Variants in NIBAN2 observed in about 807,000 individuals in gnomAD.
The protein encoded by NIBAN2 is niban apoptosis regulator 2.
Under a neutral mutation model 81.8 loss-of-function variants are expected in NIBAN2, and 36 were observed. The observed-to-expected ratio is 0.44, with a 90% CI of 0.34 to 0.58. The LOEUF (loss-of-function observed/expected upper bound fraction) is 0.58, where lower values mean the gene tolerates loss of function less well. NIBAN2 is among the 20% of genes least tolerant of loss of function. The pLI is 0.02. For synonymous variants in NIBAN2, 445 were observed against 441.6 expected, an observed-to-expected ratio of 1.01 and a Z score of -0.10; for missense variants, 897 against 1,014.1, an observed-to-expected ratio of 0.88 and a Z score of 1.57.
At chr9:127,561,975 A>T (rs1190933073) in intron 1 of NIBAN2, among the ~76,000 whole-genome samples, 1 of 152,206 alleles carries the variant, frequency 6.6e-6, no homozygotes, top group African/African-American at 2.4e-5. Flanking sequence ...AAAGCAGTGC[A>T]GGAATTTCTG....
At chr9:127,578,064 G>A (rs973705466) in intron 1 of NIBAN2, among the ~76,000 whole-genome samples, 1 of 151,664 alleles carries the variant, frequency 6.6e-6, no homozygotes, top group Admixed American at 6.6e-5. Context: ...GGTGGTGGGT[G>A]CCTGAAATCC....
At chr9:127,549,909 C>T (rs1200847812) in intron 1 of NIBAN2, among the ~76,000 whole-genome samples, 5 of 152,100 alleles carry the variant, frequency 3.3e-5, no homozygotes, top group African/African-American at 9.7e-5. Context: ...AGAACGGCTC[C>T]CCTCCCAGCC....
intron 1 of NIBAN2, among the ~76,000 whole-genome samples, chr9:127,532,588 C>T (rs1184273994): frequency 6.6e-6 from 1 of 152,058 alleles, no homozygotes; most frequent in Non-Finnish European, 1.5e-5. Flanking sequence ...GCCTGGGCGA[C>T]AGAGCGAGAC....
intron 5 of NIBAN2, among the ~76,000 whole-genome samples, chr9:127,520,164 C>G (rs1836909421): frequency 6.6e-6 from 1 of 151,832 alleles, no homozygotes. Context: ...CCACACCCCC[C>G]AAATTCATAT....
rs527245884 is a variant in NIBAN2 at position 127,510,525 on chromosome 9, C to T, written c.974-192G>A. Among the ~76,000 whole-genome samples the T allele has an allele frequency of 2.0e-5, 3 of 152,288 alleles. No homozygotes were observed. In the East Asian group the frequency reaches 5.8e-4, roughly 29 times the overall value. On this transcript the variant is annotated intron_variant, in intron 8 of 13. Transcript: ENST00000373312. The stretch of plus-strand genomic sequence containing the variant: ...GATCTCAGCTCACTGCAACCTCCAC[C>T]TCCCAGGTTCAAGCAATTCTCCTGC...
In NIBAN2 at chr9:127,517,820, C is replaced by A; in HGVS notation, c.705+6G>T. The A allele has an allele frequency of 2.5e-6, 4 of 1,610,382 alleles. No individual in the cohort carries two copies. The highest frequency in any genetic ancestry group is 2.2e-5 in the East Asian group (1 of 44,808). On this transcript the variant is annotated splice_donor_region_variant and intron_variant, in intron 6 of 13. Coordinates refer to ENST00000373312, the MANE Select transcript of NIBAN2 (RefSeq NM_022833.4). The surrounding 1 kb of genome is among the most constrained non-coding windows in gnomAD (Gnocchi z 4.0). ...GAGGTTTCCTCACCAGCCCGTCTGGCCTCACCTGCACCTCGTTCCCACACA... is the reference window on the plus strand; with the variant it reads ...GAGGTTTCCTCACCAGCCCGTCTGGACTCACCTGCACCTCGTTCCCACACA...
chr9:127,561,046 G>A, intron 1 of NIBAN2: 1 of 867,206 alleles, frequency 1.2e-6, no homozygotes. Flanking sequence ...TGACACATGG[G>A]TGGGCAAGGA....
At chr9:127,560,265 C>T (rs1837748722) in intron 1 of NIBAN2, among the ~76,000 whole-genome samples, 1 of 152,144 alleles carries the variant, frequency 6.6e-6, no homozygotes, top group African/African-American at 2.4e-5. Flanking sequence ...CGTACATCAG[C>T]TCGCCCCAGC....
intron 1 of NIBAN2, among the ~76,000 whole-genome samples, chr9:127,556,510 A>G (rs145673181): frequency 5.3e-5 from 8 of 152,322 alleles, no homozygotes; most frequent in South Asian, 2.1e-4. Flanking sequence ...GGGAACTAAA[A>G]CAATTTGCAC....
intron 1 of NIBAN2, among the ~76,000 whole-genome samples, chr9:127,533,405 C>T (rs1047515673): frequency 2.0e-5 from 3 of 152,090 alleles, no homozygotes; most frequent in African/African-American, 4.8e-5. Context: ...TGCAGTGAGC[C>T]GAGATCGTGC....
At chr9:127,553,622 TG>T (rs1325661622) in intron 1 of NIBAN2, among the ~76,000 whole-genome samples, 1 of 152,200 alleles carries the variant, frequency 6.6e-6, no homozygotes, top group Admixed American at 6.5e-5. Context: ...CACAGCAGAA[TG>T]GGGTCTTCGT....
chr9:127,576,638 C>A (rs1588198224), intron 1 of NIBAN2, among the ~76,000 whole-genome samples: 1 of 152,006 alleles, frequency 6.6e-6, no homozygotes, highest in Non-Finnish European at 1.5e-5. Context: ...TGAGATCAGG[C>A]ACAGTGGCTC....
At chr9:127,540,289 G>A (rs1252566543) in intron 1 of NIBAN2, among the ~76,000 whole-genome samples, 1 of 152,252 alleles carries the variant, frequency 6.6e-6, no homozygotes, top group Non-Finnish European at 1.5e-5. Context: ...GCTGGGGGAT[G>A]GGGTACCAGG....
chr9:127,544,376 A>C (rs2132211373), intron 1 of NIBAN2, among the ~76,000 whole-genome samples: 1 of 152,248 alleles, frequency 6.6e-6, no homozygotes, highest in African/African-American at 2.4e-5. Context: ...CCACCACCTC[A>C]CAAGGTTGCT....
intron 1 of NIBAN2, among the ~76,000 whole-genome samples, chr9:127,547,624 G>T (rs993705692): frequency 6.6e-6 from 1 of 152,142 alleles, no homozygotes; most frequent in African/African-American, 2.4e-5. Context: ...GATCATCTGA[G>T]GTCGGGAGTT....
intron 1 of NIBAN2, among the ~76,000 whole-genome samples, chr9:127,565,820 C>T (rs561610929): frequency 7.4e-4 from 106 of 142,786 alleles, no homozygotes; most frequent in African/African-American, 9.1e-4. Context: ...AGTTCATGGG[C>T]GGGAAGTTCA....
At position 127,563,214 on chromosome 9, in the gene NIBAN2, AAC is replaced by A. The variant is rs1027090567; in HGVS notation, c.55+5604_55+5605del. Among the ~76,000 whole-genome samples the A allele has an allele frequency of 1.3e-5, 2 of 152,166 alleles. No individual in the cohort carries two copies. The highest frequency in any genetic ancestry group is 4.8e-5 in the African/African-American group (2 of 41,446). ...ACTCAGGCCCCAGCAGTGGAAAAGG[AAC>A]AGAGTCAGGGGGACTAGAGGAGGCT... On this transcript the variant is annotated intron_variant, in intron 1 of 13. Coordinates refer to ENST00000373312, the MANE Select transcript of NIBAN2 (RefSeq NM_022833.4). This position sits in a 1 kb window ranked among gnomAD's most constrained non-coding sequence, Gnocchi z 4.1.
chr9:127,507,855 G>A lies in NIBAN2; in HGVS notation c.1654+12C>T. 6.2e-7 allele frequency: 1 copy of A among 1,612,794 alleles called. No homozygotes were observed. On this transcript the variant is annotated intron_variant, in intron 13 of 13. Transcript: ENST00000373312. The surrounding 1 kb of genome is among the most constrained non-coding windows in gnomAD (Gnocchi z 6.8). ...CTCCTGGCAACAGTCCCCACCCCGG[G>A]ACGGCACCCACCCTGCAGGATGTCC...
intron 1 of NIBAN2, among the ~76,000 whole-genome samples, chr9:127,543,468 A>C (rs1290941696): frequency 1.3e-5 from 2 of 152,152 alleles, no homozygotes; most frequent in Non-Finnish European, 2.9e-5. Flanking sequence ...CGGGCTGTGG[A>C]AACATCTGGA....
Sources: gnomAD v4.1 joint callset for allele counts (sites outside exome capture counted in the v4.1 genomes callset) on GRCh38, gnomAD v4.1.1 for gene constraint, Gnocchi (gnomAD v3.1) non-coding constraint, MANE v1.5 for transcripts, NCBI Gene and HGNC (gene_info 2026-07-23, HGNC 2026-07-21) for gene names.